TMTC1: variants seen among roughly 807,000 people sequenced by gnomAD.
TMTC1 encodes the protein protein O-mannosyl-transferase TMTC1.
Under a neutral mutation model 104.8 loss-of-function variants are expected in TMTC1, and 73 were observed. The ratio of observed to expected loss-of-function variants is 0.70; its 90% CI spans 0.58 to 0.85. The LOEUF (loss-of-function observed/expected upper bound fraction) is 0.85, where lower values mean the gene tolerates loss of function less well. TMTC1 is among the 40% of genes least tolerant of loss of function. The pLI is 0.00. For missense variants in TMTC1, 1,035 were observed against 1,096.1 expected (o/e 0.94, Z 0.79); for synonymous variants, 434 against 428.7 (o/e 1.01, Z -0.15).
rs1944323510 is a variant in TMTC1, at chr12:29,525,677, G to A, written c.1786-4957C>T. ...TCATATCAGAGTTTCAGACCAGAAA[G>A]TAAATGAGGTTTTGTTATTAGGGAT... On this transcript the variant is annotated intron_variant, in intron 11 of 17. Coordinates refer to ENST00000539277, the MANE Select transcript of TMTC1 (RefSeq NM_001193451.2). Among the ~76,000 whole-genome samples, 3 of 151,958 alleles carry A rather than the reference G, an allele frequency of 2.0e-5. No homozygotes were observed. In the South Asian group the frequency reaches 6.2e-4, roughly 32 times the overall value.
At chr12:29,605,041 T>C (rs893608281) in intron 6 of TMTC1, among the ~76,000 whole-genome samples, 6 of 151,962 alleles carry the variant, frequency 3.9e-5, no homozygotes, top group Non-Finnish European at 8.8e-5. Flanking sequence ...TGCAATGACA[T>C]TGTAAAAACT....
At chr12:29,534,926 A>G (rs1944602118) in intron 11 of TMTC1, 1 of 152,208 alleles carries the variant, frequency 6.6e-6, no homozygotes, top group Non-Finnish European at 1.5e-5. Flanking sequence ...ACAAAGGGTC[A>G]TCTCAGAAGA....
At position 29,517,476 on chromosome 12, in the gene TMTC1, T is replaced by C. The variant is rs748661482; in HGVS notation, c.2120A>G (p.Gln707Arg). 1.2e-6 allele frequency: 2 copies of C among 1,614,150 alleles called. No individual in the cohort carries two copies. Among genetic ancestry groups the C allele is most frequent in the South Asian group, 1.1e-5 (1 of 91,076 alleles). ...GRYEEALQIY[Q>R]EAAALQPSQR... ...AGAAGGCTGAAGTGCTGCAGCTTCCTGGTAAATCTGCAAAGCCTCTTCGTA... is the reference window on the plus strand; with the variant it reads ...AGAAGGCTGAAGTGCTGCAGCTTCCCGGTAAATCTGCAAAGCCTCTTCGTA... Residue 707 changes from glutamine (Q) to arginine (R), a missense_variant, in exon 14 of 18, where the codon CAG becomes CGG. By Grantham distance (43) the Gln-to-Arg change is conservative (BLOSUM62 1). Transcript: ENST00000539277.
intron 17 of TMTC1, among the ~76,000 whole-genome samples, chr12:29,509,298 T>C (rs1943770246): frequency 6.6e-6 from 1 of 152,248 alleles, no homozygotes. Context: ...ACTCACTTCA[T>C]CTTATATGTA....
intron 5 of TMTC1, among the ~76,000 whole-genome samples, chr12:29,681,743 AAT>A (rs1565765041): frequency 1.3e-5 from 2 of 151,508 alleles, no homozygotes; most frequent in African/African-American, 4.8e-5. Flanking sequence ...TCTACAGATT[AAT>A]AGAGACTTTA....
chr12:29,756,219 G>A (rs1353771154), intron 3 of TMTC1, among the ~76,000 whole-genome samples: 1 of 152,184 alleles, frequency 6.6e-6, no homozygotes, highest in Non-Finnish European at 1.5e-5. Flanking sequence ...ATAAGCTCAG[G>A]GGCCAGGTTC....
intron 10 of TMTC1, among the ~76,000 whole-genome samples, chr12:29,540,564 C>T (rs1191879211): frequency 6.6e-6 from 1 of 152,138 alleles, no homozygotes; most frequent in Non-Finnish European, 1.5e-5. Context: ...TTATCTGTGA[C>T]CACCAGGTTT....
At position 29,659,829 on chromosome 12, in the gene TMTC1, C is replaced by T. The variant is rs572925320; in HGVS notation, c.939-26493G>A. ...AAAGTCAGCCTGTAATTTAAGATTA[C>T]TCAAAATTATCTAATAAATACCAAG... On this transcript the variant is annotated intron_variant, in intron 5 of 17. Transcript: ENST00000539277. 5.8e-4 allele frequency: 796 copies of T among 1,379,986 alleles called. 13 individuals are homozygous for T. In the South Asian group the frequency reaches 1.0e-2, roughly 17 times the overall value. The allele number at this position is 1,379,986 out of a possible 1,614,324, so 85.5% of individuals were successfully genotyped here.
At chr12:29,668,113 C>T (rs1940354629) in intron 5 of TMTC1, among the ~76,000 whole-genome samples, 1 of 152,214 alleles carries the variant, frequency 6.6e-6, no homozygotes, top group Non-Finnish European at 1.5e-5. Context: ...ATGTTAACAA[C>T]ACAATGACTT....
At chr12:29,754,630 C>A (rs1943171820) in intron 4 of TMTC1, among the ~76,000 whole-genome samples, 1 of 152,160 alleles carries the variant, frequency 6.6e-6, no homozygotes, top group Non-Finnish European at 1.5e-5. Flanking sequence ...GGAAAGGCAA[C>A]CTCACATAGG....
At chr12:29,593,961 A>G (rs1385860106) in intron 7 of TMTC1, among the ~76,000 whole-genome samples, 1 of 152,224 alleles carries the variant, frequency 6.6e-6, no homozygotes, top group African/African-American at 2.4e-5. Context: ...ACAAAGGTGA[A>G]CTTAAAAATC....
chr12:29,720,567 T>C lies in TMTC1; in HGVS notation c.938+31099A>G, dbSNP rs559841834. ...TTATGAACACAACAAATCAAAATGA[T>C]AAAAGAATTAACAAAGTGAAATTAG... is the stretch of plus-strand genomic sequence containing the variant. On this transcript the variant is annotated intron_variant, in intron 5 of 17. Transcript: ENST00000539277. 4.6e-5 allele frequency among the ~76,000 whole-genome samples: 7 copies of C among 152,078 alleles called. No individual in the cohort carries two copies. In the South Asian group the frequency reaches 1.0e-3, roughly 23 times the overall value.
At position 29,559,946 on chromosome 12, in the gene TMTC1, A is replaced by G. The variant is rs151279636; in HGVS notation, c.1533-2946T>C. Among the ~76,000 whole-genome samples the G allele has an allele frequency of 1.2e-4, 19 of 152,338 alleles. No homozygotes were observed. The East Asian group carries it at 3.5e-3, about 28-fold the overall frequency. On this transcript the variant is annotated intron_variant, in intron 9 of 17. Transcript: ENST00000539277. Reference sequence around the variant, plus strand: ...AAAAAAAAGAAAAATACAGATGTAAATATTTTCTTAAAACACACACTGTAC... The same window carrying G: ...AAAAAAAAGAAAAATACAGATGTAAGTATTTTCTTAAAACACACACTGTAC...
intron 9 of TMTC1, among the ~76,000 whole-genome samples, chr12:29,570,988 G>C (rs1045125843): frequency 4.0e-5 from 6 of 148,922 alleles, no homozygotes; most frequent in African/African-American, 1.2e-4. Context: ...GATTTTGATT[G>C]ATAAGCAATA....
At chr12:29,741,896 T>C (rs779634819) in intron 5 of TMTC1, among the ~76,000 whole-genome samples, 23 of 152,170 alleles carry the variant, frequency 1.5e-4, no homozygotes, top group African/African-American at 4.1e-4. Context: ...ACAAATTACA[T>C]TGGGGATAAA....
At chr12:29,701,902 AAAT>A (rs549112705) in intron 5 of TMTC1, among the ~76,000 whole-genome samples, 63 of 152,316 alleles carry the variant, frequency 4.1e-4, no homozygotes, top group African/African-American at 1.5e-3. Context: ...AGGTCCATGA[AAAT>A]AATAAACCAA....
intron 17 of TMTC1, among the ~76,000 whole-genome samples, chr12:29,508,003 T>C (rs1267096638): frequency 6.6e-6 from 1 of 152,204 alleles, no homozygotes; most frequent in Non-Finnish European, 1.5e-5. Context: ...CTAATACTTA[T>C]CCAGTGCTTA....
chr12:29,568,914 T>C (rs1482277710), intron 9 of TMTC1: 1 of 455,958 alleles, frequency 2.2e-6, no homozygotes, highest in Non-Finnish European at 4.4e-6. Context: ...CGGAGAGCTC[T>C]GGAGGTCTAT....
chr12:29,551,338 C>T (rs973668714), intron 10 of TMTC1, among the ~76,000 whole-genome samples: 17 of 152,258 alleles, frequency 1.1e-4, no homozygotes, highest in African/African-American at 3.6e-4. Flanking sequence ...AAACATATCC[C>T]TAGCACTTAA....
Sources: gnomAD v4.1 joint callset for allele counts (sites outside exome capture counted in the v4.1 genomes callset) on GRCh38, gnomAD v4.1.1 for gene constraint, MANE v1.5 for transcripts, NCBI Gene and HGNC (gene_info 2026-07-23, HGNC 2026-07-21) for gene names.